GPC6: variants seen among roughly 807,000 people sequenced by gnomAD.
GPC6 encodes glypican 6.
In GPC6, 14 loss-of-function variants were observed where a neutral mutation model predicts 55.2. The observed-to-expected ratio is 0.25, with a 90% CI of 0.17 to 0.40. The LOEUF (loss-of-function observed/expected upper bound fraction) is 0.40. Ranked by LOEUF, GPC6 falls within the 10% of genes least tolerant of loss-of-function variation. The pLI is 1.00. For missense variants in GPC6, 641 were observed against 708.5 expected (o/e 0.90, Z 1.08); for synonymous variants, 278 against 259.6 (o/e 1.07, Z -0.68).
intron 3 of GPC6, among the ~76,000 whole-genome samples, chr13:93,984,414 T>G (rs1193261457): frequency 6.6e-6 from 1 of 152,178 alleles, no homozygotes; most frequent in Non-Finnish European, 1.5e-5. Context: ...GGCTCAAAAC[T>G]GAAATGAAAT....
chr13:93,639,245 C>A (rs1879816052), intron 2 of GPC6, among the ~76,000 whole-genome samples: 1 of 152,038 alleles, frequency 6.6e-6, no homozygotes, highest in African/African-American at 2.4e-5. Context: ...CCCACAGTAT[C>A]CTGGACTGAG....
intron 3 of GPC6, among the ~76,000 whole-genome samples, chr13:93,929,054 G>T (rs1878014839): frequency 6.6e-6 from 1 of 152,150 alleles, no homozygotes; most frequent in African/African-American, 2.4e-5. Context: ...TGTGGAGTGT[G>T]CTTGTCATTG....
chr13:93,862,299 GT>G (rs1888837807), intron 3 of GPC6, among the ~76,000 whole-genome samples: 1 of 151,592 alleles, frequency 6.6e-6, no homozygotes, highest in South Asian at 2.1e-4. Context: ...TCACATGAAA[GT>G]TTAGCTGACT....
At chr13:93,917,935 A>G (rs1374234296) in intron 3 of GPC6, among the ~76,000 whole-genome samples, 2 of 152,104 alleles carry the variant, frequency 1.3e-5, no homozygotes, top group African/African-American at 2.4e-5. Context: ...TGTCTCTACT[A>G]AAAATAGAAA....
intron 1 of GPC6, among the ~76,000 whole-genome samples, chr13:93,501,777 A>G (rs1239231360): frequency 6.6e-6 from 1 of 152,192 alleles, no homozygotes; most frequent in East Asian, 1.9e-4. Context: ...GTGGACCACC[A>G]GTTTGAAATA....
intron 3 of GPC6, among the ~76,000 whole-genome samples, chr13:93,859,832 A>G (rs993103196): frequency 6.6e-6 from 1 of 151,622 alleles, no homozygotes; most frequent in Non-Finnish European, 1.5e-5. Context: ...CTGGAAATAT[A>G]TGAACTTGAA....
In GPC6 at chr13:93,227,507, C is replaced by T; in HGVS notation, c.51C>T (p.Leu17=). The T allele has an allele frequency of 6.2e-7, 1 of 1,613,934 alleles. No individual in the cohort carries two copies. The highest frequency in any genetic ancestry group is 2.2e-5 in the East Asian group (1 of 44,832). The stretch of plus-strand genomic sequence containing the variant: ...TTCTTCCCCTCTTGGGGCTGCTGCT[C>T]TCCCTCCCCGCCGGGGCGGATGTGA... ...AVILPLLGLL[L]SLPAGADVKA... Residue 17 remains leucine, a synonymous_variant, in exon 1 of 9, where the codon CTC becomes CTT. Coordinates refer to ENST00000377047, the MANE Select transcript of GPC6 (RefSeq NM_005708.5). This position sits in a 1 kb window ranked among gnomAD's most constrained non-coding sequence, Gnocchi z 4.3.
intron 2 of GPC6, among the ~76,000 whole-genome samples, chr13:93,640,672 T>C (rs1293832468): frequency 2.6e-5 from 4 of 151,244 alleles, no homozygotes; most frequent in African/African-American, 9.7e-5. Context: ...TTTTTTCTTT[T>C]TCTCCCTCCC....
At chr13:94,094,794 T>A (rs1885605496) in intron 4 of GPC6, among the ~76,000 whole-genome samples, 3 of 147,486 alleles carry the variant, frequency 2.0e-5, no homozygotes, top group Non-Finnish European at 4.5e-5. Context: ...ATTTTATATG[T>A]ATGCTTTCTA....
chr13:93,768,242 C>T (rs1193068204), intron 2 of GPC6, among the ~76,000 whole-genome samples: 2 of 152,104 alleles, frequency 1.3e-5, no homozygotes, highest in Admixed American at 1.3e-4. Context: ...CTTTTCCCAC[C>T]GTTTAGTGTT....
At chr13:93,938,490 GA>G (rs2140360532) in intron 3 of GPC6, among the ~76,000 whole-genome samples, 1 of 152,110 alleles carries the variant, frequency 6.6e-6, no homozygotes, top group Admixed American at 6.5e-5. Flanking sequence ...TTTAAAAAGA[GA>G]AAATCAGATA....
At chr13:93,467,796 G>T (rs1174546549) in intron 1 of GPC6, among the ~76,000 whole-genome samples, 1 of 151,540 alleles carries the variant, frequency 6.6e-6, no homozygotes, top group African/African-American at 2.4e-5. Context: ...TCCTTATCTT[G>T]CACAGGCTGG....
intron 8 of GPC6, among the ~76,000 whole-genome samples, chr13:94,402,417 C>T (rs1377356193): frequency 6.6e-6 from 1 of 152,150 alleles, no homozygotes; most frequent in Non-Finnish European, 1.5e-5. Context: ...GGTTGCATAA[C>T]TCAGGTATCA....
chr13:93,668,474 A>T (rs1881230980), intron 2 of GPC6, among the ~76,000 whole-genome samples: 1 of 152,188 alleles, frequency 6.6e-6, no homozygotes, highest in Admixed American at 6.5e-5. Flanking sequence ...ATACGACCTT[A>T]TTTGCAAAAC....
intron 1 of GPC6, among the ~76,000 whole-genome samples, chr13:93,440,343 T>C (rs1315022463): frequency 6.6e-6 from 1 of 152,188 alleles, no homozygotes; most frequent in Non-Finnish European, 1.5e-5. Flanking sequence ...AGAGATGCCT[T>C]AGTGGAGAAG....
chr13:93,929,172 AG>A (rs1878022889), intron 3 of GPC6, among the ~76,000 whole-genome samples: 1 of 152,134 alleles, frequency 6.6e-6, no homozygotes, highest in Non-Finnish European at 1.5e-5. Context: ...CTTGCCTTTC[AG>A]GTCAAAAGCC....
chr13:93,472,962 CA>C (rs1214608727), intron 1 of GPC6, among the ~76,000 whole-genome samples: 1 of 152,176 alleles, frequency 6.6e-6, no homozygotes, highest in Non-Finnish European at 1.5e-5. Flanking sequence ...TGTGCTTACT[CA>C]AAGGAGAGAG....
At chr13:94,237,592 G>T (rs894471922) in intron 4 of GPC6, among the ~76,000 whole-genome samples, 1 of 152,154 alleles carries the variant, frequency 6.6e-6, no homozygotes, top group Non-Finnish European at 1.5e-5. Context: ...ACAAGGAGAC[G>T]AAGAGCATTT....
intron 3 of GPC6, among the ~76,000 whole-genome samples, chr13:94,026,667 T>C (rs1307157763): frequency 6.6e-6 from 1 of 152,160 alleles, no homozygotes; most frequent in Admixed American, 6.5e-5. Context: ...TATAAAGCAC[T>C]GCCCGAGAGT....
Sources: allele counts gnomAD v4.1 joint callset (sites outside exome capture counted in the v4.1 genomes callset), GRCh38; gene constraint gnomAD v4.1.1; non-coding constraint Gnocchi (gnomAD v3.1); transcripts MANE v1.5; gene names NCBI Gene and HGNC (gene_info 2026-07-23, HGNC 2026-07-21).